Variants in PLCB1 observed in about 807,000 individuals in gnomAD.
The protein encoded by PLCB1 is 1-phosphatidylinositol 4,5-bisphosphate phosphodiesterase beta-1.
PLCB1 carries 46 observed loss-of-function variants against 161.8 expected under a neutral mutation model. The ratio of observed to expected loss-of-function variants is 0.28; its 90% CI spans 0.22 to 0.36. The LOEUF is 0.36. Among genes scored for constraint, PLCB1 ranks in the 10% least tolerant of loss-of-function variants. The pLI, the probability that PLCB1 is intolerant of heterozygous loss-of-function variation, is 1.00. For synonymous variants in PLCB1, 517 were observed against 503.7 expected (o/e 1.03, Z -0.35); for missense variants, 1,016 against 1,472.5 (o/e 0.69, Z 5.07).
chr20:8,859,380 G>A (rs1440558133), intron 31 of PLCB1, among the ~76,000 whole-genome samples: 1 of 152,190 alleles, frequency 6.6e-6, no homozygotes, highest in African/African-American at 2.4e-5. Context: ...TGATGTGTAT[G>A]TGGATTACCT....
chr20:8,406,659 C>G (rs143316493), intron 3 of PLCB1, among the ~76,000 whole-genome samples: 137 of 152,172 alleles, frequency 9.0e-4, no homozygotes, highest in African/African-American at 3.2e-3. Flanking sequence ...GCAGAGAGCC[C>G]TTTTCATAAA....
chr20:8,840,092 G>GT (rs1009377731), intron 31 of PLCB1, among the ~76,000 whole-genome samples: 27 of 150,898 alleles, frequency 1.8e-4, no homozygotes, highest in Admixed American at 4.6e-4. Flanking sequence ...TTTATATGTT[G>GT]TTTTTTTCTC....
chr20:8,714,536 T>C (rs1979197134), intron 12 of PLCB1, among the ~76,000 whole-genome samples: 1 of 152,272 alleles, frequency 6.6e-6, no homozygotes, highest in South Asian at 2.1e-4. Context: ...TAGACACAGT[T>C]TCTAATGACT....
At chr20:8,686,987 C>T (rs2123404317) in intron 10 of PLCB1, among the ~76,000 whole-genome samples, 1 of 150,452 alleles carries the variant, frequency 6.6e-6, no homozygotes, top group Middle Eastern at 3.4e-3. Flanking sequence ...CACGAGTTCA[C>T]ATAAATATTT....
chr20:8,237,152 G>A (rs1227784262), intron 2 of PLCB1, among the ~76,000 whole-genome samples: 1 of 151,940 alleles, frequency 6.6e-6, no homozygotes, highest in African/African-American at 2.4e-5. Flanking sequence ...AAAGTAGGCA[G>A]ACATTGCAAG....
At chr20:8,305,850 C>G (rs1984111698) in intron 2 of PLCB1, 1 of 152,164 alleles carries the variant, frequency 6.6e-6, no homozygotes, top group South Asian at 2.1e-4. Context: ...ATTTCTGTGC[C>G]GCTGCAGTGG....
intron 3 of PLCB1, among the ~76,000 whole-genome samples, chr20:8,588,766 G>A (rs1987063197): frequency 6.6e-6 from 1 of 152,176 alleles, no homozygotes; most frequent in Non-Finnish European, 1.5e-5. Context: ...TCCTGTTTCA[G>A]CTACCAAGTA....
chr20:8,482,834 A>G (rs6077364), intron 3 of PLCB1, among the ~76,000 whole-genome samples: 83,569 of 151,952 alleles, frequency 0.55, 23,287 homozygotes, highest in East Asian at 0.66. Context: ...AAGTCACAGA[A>G]TGTGAGGGTA....
intron 3 of PLCB1, among the ~76,000 whole-genome samples, chr20:8,413,412 G>A (rs1979128553): frequency 6.6e-6 from 1 of 152,156 alleles, no homozygotes; most frequent in South Asian, 2.1e-4. Flanking sequence ...CGAACAATGA[G>A]CAGTCTGGAT....
intron 2 of PLCB1, among the ~76,000 whole-genome samples, chr20:8,233,273 C>G (rs1268260168): frequency 6.6e-6 from 1 of 151,926 alleles, no homozygotes; most frequent in Non-Finnish European, 1.5e-5. Context: ...AATAATGAAG[C>G]AAAAACATGA....
chr20:8,427,751 T>C (rs1357827778), intron 3 of PLCB1, among the ~76,000 whole-genome samples: 1 of 152,142 alleles, frequency 6.6e-6, no homozygotes, highest in African/African-American at 2.4e-5. Context: ...GGAAAATGAA[T>C]TATTTGGTAA....
intron 27 of PLCB1, among the ~76,000 whole-genome samples, chr20:8,783,924 G>T (rs1269834272): frequency 6.6e-6 from 1 of 152,200 alleles, no homozygotes. Context: ...TTGGCCAAGA[G>T]ATGGGGGGTA....
chr20:8,730,974 GACACAC>G (rs1190857415), intron 18 of PLCB1, among the ~76,000 whole-genome samples: 1 of 151,740 alleles, frequency 6.6e-6, no homozygotes, highest in Non-Finnish European at 1.5e-5. Context: ...GGAATTTTTA[GACACAC>G]AAAGACAGTA....
chr20:8,687,691 T>A (rs1323504681), intron 10 of PLCB1, among the ~76,000 whole-genome samples: 1 of 152,232 alleles, frequency 6.6e-6, no homozygotes, highest in Non-Finnish European at 1.5e-5. Flanking sequence ...ATGAGTAGTG[T>A]TCTATCATGT....
At chr20:8,813,964 C>A (rs1984956808) in intron 31 of PLCB1, among the ~76,000 whole-genome samples, 1 of 152,116 alleles carries the variant, frequency 6.6e-6, no homozygotes, top group Admixed American at 6.5e-5. Flanking sequence ...AGCAAGGGTC[C>A]AGTGTGAATG....
At chr20:8,794,342 G>A (rs1056605689) in intron 31 of PLCB1, among the ~76,000 whole-genome samples, 6 of 152,282 alleles carry the variant, frequency 3.9e-5, no homozygotes, top group Admixed American at 1.3e-4. Flanking sequence ...AAAGACAGGC[G>A]TAAGAAATTA....
At chr20:8,484,380 T>A (rs1460173136) in intron 3 of PLCB1, among the ~76,000 whole-genome samples, 1 of 149,040 alleles carries the variant, frequency 6.7e-6, no homozygotes, top group Non-Finnish European at 1.5e-5. Flanking sequence ...TTTTTTTTTT[T>A]AAATGGAGTC....
intron 3 of PLCB1, among the ~76,000 whole-genome samples, chr20:8,478,099 GT>G (rs760124982): frequency 3.9e-5 from 6 of 152,298 alleles, no homozygotes; most frequent in Non-Finnish European, 2.9e-5. Context: ...TGTGCTCACA[GT>G]TTTGTTAATT....
chr20:8,693,219 C>T (rs529871257), intron 10 of PLCB1, among the ~76,000 whole-genome samples: 1 of 152,242 alleles, frequency 6.6e-6, no homozygotes, highest in South Asian at 2.1e-4. Context: ...GGAATATGTA[C>T]AAACACATAA....
Sources: gnomAD v4.1 joint callset for allele counts (sites outside exome capture counted in the v4.1 genomes callset) on GRCh38, gnomAD v4.1.1 for gene constraint, MANE v1.5 for transcripts, NCBI Gene and HGNC (gene_info 2026-07-23, HGNC 2026-07-21) for gene names.